SLC24A2: variants seen among roughly 807,000 people sequenced by gnomAD.
SLC24A2 encodes the protein solute carrier family 24 member 2.
Under a neutral mutation model 62.0 loss-of-function variants are expected in SLC24A2, and 36 were observed. The ratio of observed to expected loss-of-function variants is 0.58; its 90% CI spans 0.44 to 0.77. SLC24A2 has a LOEUF of 0.77. Ranked by LOEUF, SLC24A2 falls within the 30% of genes least tolerant of loss-of-function variation. SLC24A2 has a pLI of 0.00. For missense variants in SLC24A2, 846 were observed against 817.9 expected (o/e 1.03, Z -0.42); for synonymous variants, 358 against 294.0 (o/e 1.22, Z -2.23).
chr9:19,928,109 CACAG>C, the SLC24A2 span: 1 of 152,484 alleles, frequency 6.6e-6, no homozygotes, highest in East Asian at 1.9e-4. Flanking sequence ...GGGTTGGTTA[CACAG>C]AGAGAGTGAG....
chr9:20,163,909 T>C, the SLC24A2 span, among the ~76,000 whole-genome samples: 1 of 152,144 alleles, frequency 6.6e-6, no homozygotes, highest in African/African-American at 2.4e-5. Flanking sequence ...TAAATGGTGC[T>C]GGGAAAACTG....
chr9:20,122,058 G>T, the SLC24A2 span, among the ~76,000 whole-genome samples: 41 of 152,306 alleles, frequency 2.7e-4, no homozygotes, highest in South Asian at 3.5e-3. Context: ...TCACTGAGAT[G>T]AGCTGGGGGC....
chr9:19,920,357 A>G, the SLC24A2 span, among the ~76,000 whole-genome samples: 1 of 152,240 alleles, frequency 6.6e-6, no homozygotes, highest in Non-Finnish European at 1.5e-5. Flanking sequence ...GTTGCCAATG[A>G]TTAATTCATC....
chr9:20,258,597 T>A, the SLC24A2 span, among the ~76,000 whole-genome samples: 1 of 152,228 alleles, frequency 6.6e-6, no homozygotes, highest in African/African-American at 2.4e-5. Context: ...GCTCTGGGAC[T>A]CATACCAGCA....
intron 8 of SLC24A2, among the ~76,000 whole-genome samples, chr9:19,545,011 C>A (rs144038862): frequency 2.0e-5 from 3 of 152,088 alleles, no homozygotes; most frequent in African/African-American, 7.2e-5. Flanking sequence ...GATGATATCC[C>A]GAAAAGTGTT....
the SLC24A2 span, among the ~76,000 whole-genome samples, chr9:20,054,935 C>A: frequency 6.6e-6 from 1 of 152,210 alleles, no homozygotes; most frequent in Non-Finnish European, 1.5e-5. Context: ...CAAGTGATGA[C>A]ATAATCCTTT....
chr9:19,990,922 G>GATATATATATGTGGATATATAT, the SLC24A2 span, among the ~76,000 whole-genome samples: 1 of 120,812 alleles, frequency 8.3e-6, no homozygotes, highest in Non-Finnish European at 1.6e-5. Context: ...GGACTAATAG[G>GATATATATATGTGGATATATAT]ATATATATAT....
At chr9:20,108,242 C>T in the SLC24A2 span, among the ~76,000 whole-genome samples, 32,789 of 151,564 alleles carry the variant, frequency 0.22, 3,993 homozygotes, top group East Asian at 0.56. Flanking sequence ...ACTTTTACAC[C>T]GTTGATGGGA....
intron 2 of SLC24A2, 122 bp downstream of exon 2, chr9:19,785,815 T>C: frequency 7.7e-7 from 1 of 1,295,438 alleles, no homozygotes; most frequent in Admixed American, 1.9e-5. Context: ...AACTGCAGAA[T>C]CAATCTGCTA....
the SLC24A2 span, among the ~76,000 whole-genome samples, chr9:20,231,143 A>G: frequency 6.6e-6 from 1 of 152,100 alleles, no homozygotes; most frequent in Non-Finnish European, 1.5e-5. Context: ...GTAGCCTTGT[A>G]GTATACTTTG....
At chr9:19,546,888 G>C (rs1370182217) in intron 8 of SLC24A2, among the ~76,000 whole-genome samples, 1 of 152,194 alleles carries the variant, frequency 6.6e-6, no homozygotes, top group African/African-American at 2.4e-5. Flanking sequence ...GGGCCAGAGT[G>C]CACTGTTCCT....
chr9:20,133,570 A>G, the SLC24A2 span, among the ~76,000 whole-genome samples: 6 of 152,312 alleles, frequency 3.9e-5, no homozygotes, highest in South Asian at 2.1e-4. Flanking sequence ...ATTTTTCTCG[A>G]TATTTCAAAT....
At chr9:20,248,557 A>C in the SLC24A2 span, among the ~76,000 whole-genome samples, 2 of 152,150 alleles carry the variant, frequency 1.3e-5, no homozygotes, top group Non-Finnish European at 2.9e-5. Flanking sequence ...TGTCTCTTTT[A>C]TAAGGGCACT....
At chr9:20,101,133 C>T in the SLC24A2 span, among the ~76,000 whole-genome samples, 2 of 152,150 alleles carry the variant, frequency 1.3e-5, no homozygotes, top group South Asian at 4.1e-4. Context: ...AATATAAATC[C>T]TAGCAAGATA....
At chr9:19,677,481 A>G (rs1819594111) in intron 2 of SLC24A2, among the ~76,000 whole-genome samples, 1 of 152,188 alleles carries the variant, frequency 6.6e-6, no homozygotes, top group Non-Finnish European at 1.5e-5. Context: ...ACTAATAGGT[A>G]CCAGGTTTAA....
At chr9:19,836,713 C>T in the SLC24A2 span, among the ~76,000 whole-genome samples, 3 of 152,230 alleles carry the variant, frequency 2.0e-5, no homozygotes, top group African/African-American at 7.2e-5. Flanking sequence ...AGGGAATCCT[C>T]CCTAACTCAT....
chr9:19,620,562 A>G (rs113198137), intron 3 of SLC24A2, among the ~76,000 whole-genome samples: 212 of 152,346 alleles, frequency 1.4e-3, no homozygotes, highest in African/African-American at 4.8e-3. Context: ...GTATCTAGAG[A>G]TAAGGTTACT....
chr9:20,265,102 G>A, the SLC24A2 span, among the ~76,000 whole-genome samples: 1 of 152,234 alleles, frequency 6.6e-6, no homozygotes, highest in Non-Finnish European at 1.5e-5. Flanking sequence ...CTTGCAGCGG[G>A]CTACAGCGGG....
the SLC24A2 span, among the ~76,000 whole-genome samples, chr9:19,898,513 C>A: frequency 7.2e-5 from 11 of 152,048 alleles, no homozygotes; most frequent in African/African-American, 2.7e-4. Context: ...GAGGCCAAGG[C>A]GGGTGGATCA....
Sources: gnomAD v4.1 joint callset for allele counts (sites outside exome capture counted in the v4.1 genomes callset) on GRCh38, gnomAD v4.1.1 for gene constraint, MANE v1.5 for transcripts, NCBI Gene and HGNC (gene_info 2026-07-23, HGNC 2026-07-21) for gene names.